The following ADAMTS17 variants were observed in gnomAD, a reference collection of about 807,000 sequenced individuals.
ADAMTS17 encodes A disintegrin and metalloproteinase with thrombospondin motifs 17.
In ADAMTS17, 113 loss-of-function variants were observed where a neutral mutation model predicts 141.5. The ratio of observed to expected loss-of-function variants is 0.80; its 90% CI spans 0.69 to 0.93. The LOEUF (loss-of-function observed/expected upper bound fraction) is 0.93. Among genes scored for constraint, ADAMTS17 ranks in the 40% least tolerant of loss-of-function variants. ADAMTS17 has a pLI of 0.00. For missense variants in ADAMTS17, 1,659 were observed against 1,517.9 expected, an observed-to-expected ratio of 1.09 and a Z score of -1.54; for synonymous variants, 768 against 630.6, an observed-to-expected ratio of 1.22 and a Z score of -3.27.
chr15:100,220,330 C>A (rs990375943), intron 7 of ADAMTS17, among the ~76,000 whole-genome samples: 4 of 152,138 alleles, frequency 2.6e-5, no homozygotes, highest in Non-Finnish European at 5.9e-5. Flanking sequence ...AGTGGGGTGG[C>A]AGCGGAAGCA....
intron 15 of ADAMTS17, among the ~76,000 whole-genome samples, chr15:100,061,829 C>T (rs1213359886): frequency 2.0e-5 from 3 of 152,122 alleles, no homozygotes; most frequent in Admixed American, 6.5e-5. Context: ...ACCCAGACTG[C>T]GAATTTTGAA....
At chr15:100,188,723 C>T (rs1567322840) in intron 8 of ADAMTS17, among the ~76,000 whole-genome samples, 1 of 152,178 alleles carries the variant, frequency 6.6e-6, no homozygotes, top group Non-Finnish European at 1.5e-5. Flanking sequence ...GCTAAGAAAC[C>T]TGTCTCCAGG....
At chr15:100,009,226 T>C (rs971688033) in intron 18 of ADAMTS17, among the ~76,000 whole-genome samples, 2 of 152,152 alleles carry the variant, frequency 1.3e-5, no homozygotes, top group African/African-American at 4.8e-5. Context: ...GGTTTCCCTT[T>C]ACAGAGGGAG....
chr15:100,009,000 C>T (rs911564768), intron 18 of ADAMTS17, among the ~76,000 whole-genome samples: 2 of 152,156 alleles, frequency 1.3e-5, no homozygotes, highest in East Asian at 1.9e-4. Flanking sequence ...TCACCATGCC[C>T]GGCTAATTTT....
chr15:100,087,744 A>T lies in ADAMTS17; in HGVS notation c.2137+8612T>A, dbSNP rs772123537. ...CAGAACCAAAGACAAAAACCACATG[A>T]TTATCTCAATAGATGCAGAAAAGGC... On this transcript the variant is annotated intron_variant, in intron 15 of 21. Coordinates refer to ENST00000268070, the MANE Select transcript of ADAMTS17 (RefSeq NM_139057.4). Among the ~76,000 whole-genome samples, 190 of 152,348 alleles carry T rather than the reference A, an allele frequency of 1.2e-3. 2 individuals carry two copies. Among genetic ancestry groups the T allele is most frequent in the Non-Finnish European group, 1.3e-3 (89 of 68,034 alleles).
At chr15:100,235,900 G>A (rs1034256755) in intron 7 of ADAMTS17, among the ~76,000 whole-genome samples, 8 of 152,288 alleles carry the variant, frequency 5.3e-5, no homozygotes, top group African/African-American at 1.9e-4. Flanking sequence ...CAAGGTAGCA[G>A]AGCTGGGATC....
At chr15:100,122,050 A>T (rs1452212636) in intron 12 of ADAMTS17, among the ~76,000 whole-genome samples, 1 of 152,070 alleles carries the variant, frequency 6.6e-6, no homozygotes, top group Non-Finnish European at 1.5e-5. Flanking sequence ...GGTCCAAGGA[A>T]TTTCATCCCT....
Position 100,097,774 on chromosome 15 carries a change from C to T in ADAMTS17, c.2017-1298G>A, listed in dbSNP as rs1055211786. ...CCCAGGAGATGCTGAGGCTGCTTGC[C>T]GGGGCCATGCGATGAGAACCGCTGC... On this transcript the variant is annotated intron_variant, in intron 14 of 21. Coordinates refer to ENST00000268070, the MANE Select transcript of ADAMTS17 (RefSeq NM_139057.4). Among the ~76,000 whole-genome samples, 17 of 152,334 alleles carry T rather than the reference C, an allele frequency of 1.1e-4. 1 individual carries two copies. Among genetic ancestry groups the T allele is most frequent in the Admixed American group, 7.8e-4 (12 of 15,306 alleles).
chr15:100,056,648 C>T (rs1014905060), intron 15 of ADAMTS17, among the ~76,000 whole-genome samples: 2 of 152,190 alleles, frequency 1.3e-5, no homozygotes, highest in African/African-American at 4.8e-5. Context: ...GGGCACTCAC[C>T]TGCTGCTGTG....
At chr15:100,076,740 A>G (rs1307808732) in intron 15 of ADAMTS17, among the ~76,000 whole-genome samples, 5 of 152,208 alleles carry the variant, frequency 3.3e-5, no homozygotes, top group Admixed American at 3.3e-4. Context: ...TTATACAAAT[A>G]CACTTGAGTA....
intron 18 of ADAMTS17, among the ~76,000 whole-genome samples, chr15:100,021,876 A>C (rs2061412864): frequency 6.8e-6 from 1 of 146,664 alleles, no homozygotes; most frequent in Non-Finnish European, 1.5e-5. Flanking sequence ...CGCCCTCCTC[A>C]TTTCTCGGTT....
chr15:100,034,756 C>T (rs1034000645), intron 18 of ADAMTS17, among the ~76,000 whole-genome samples: 2 of 152,208 alleles, frequency 1.3e-5, no homozygotes, highest in African/African-American at 4.8e-5. Context: ...CCTGCTCCCT[C>T]GTGTGCCCGA....
chr15:99,974,358 TTCAG>T lies in ADAMTS17; in HGVS notation c.*40_*43del. On this transcript the variant is annotated 3_prime_UTR_variant, in exon 22 of 22. Transcript: ENST00000268070. ...CTGGTAGGCTTGCGGGTGGGTGGGT[TTCAG>T]ACCTGAGTCTGAGCTTTGAGCGACC... 6.2e-7 allele frequency: 1 copy of T among 1,613,148 alleles called. No individual in the cohort carries two copies. Among genetic ancestry groups the T allele is most frequent in the South Asian group, 1.1e-5 (1 of 91,054 alleles).
intron 7 of ADAMTS17, among the ~76,000 whole-genome samples, chr15:100,222,460 T>G (rs2042164849): frequency 6.6e-6 from 1 of 152,216 alleles, no homozygotes; most frequent in Non-Finnish European, 1.5e-5. Flanking sequence ...CTGCCTGGAA[T>G]GAGGCAGATC....
chr15:100,246,986 C>T (rs547878782), intron 7 of ADAMTS17, among the ~76,000 whole-genome samples: 1 of 152,172 alleles, frequency 6.6e-6, no homozygotes, highest in African/African-American at 2.4e-5. Flanking sequence ...CAGGTTCAAG[C>T]GATTCTCCTG....
At chr15:100,110,756 G>C (rs11854217) in intron 13 of ADAMTS17, among the ~76,000 whole-genome samples, 21,866 of 152,024 alleles carry the variant, frequency 0.14, 1,857 homozygotes, top group Admixed American at 0.21. Context: ...TCTCCACCAG[G>C]CCTCCTCAGT....
At chr15:100,058,796 A>C (rs1379319428) in intron 15 of ADAMTS17, among the ~76,000 whole-genome samples, 1 of 152,176 alleles carries the variant, frequency 6.6e-6, no homozygotes, top group Non-Finnish European at 1.5e-5. Context: ...TGTCAGGAAG[A>C]GGGCTACTGG....
chr15:100,142,896 C>A (rs574612711), intron 10 of ADAMTS17, among the ~76,000 whole-genome samples: 4 of 152,200 alleles, frequency 2.6e-5, no homozygotes, highest in Non-Finnish European at 4.4e-5. Flanking sequence ...TCTTAAACAG[C>A]GGCATAACAT....
chr15:100,327,397 T>C (rs1484190837), intron 3 of ADAMTS17, among the ~76,000 whole-genome samples: 1 of 152,212 alleles, frequency 6.6e-6, no homozygotes, highest in Non-Finnish European at 1.5e-5. Context: ...ACATCAGTGC[T>C]TCACAGAAAC....
Sources: allele counts gnomAD v4.1 joint callset (sites outside exome capture counted in the v4.1 genomes callset), GRCh38; gene constraint gnomAD v4.1.1; transcripts MANE v1.5; gene names NCBI Gene and HGNC (gene_info 2026-07-23, HGNC 2026-07-21).